ITPKB: variants seen among roughly 807,000 people sequenced by gnomAD.
ITPKB encodes IP3 3-kinase B.
ITPKB carries 13 observed loss-of-function variants against 69.4 expected under a neutral mutation model. The ratio of observed to expected loss-of-function variants is 0.19; its 90% CI spans 0.12 to 0.30. The LOEUF (loss-of-function observed/expected upper bound fraction) is 0.30, where lower values mean the gene tolerates loss of function less well. Among genes scored for constraint, ITPKB ranks in the 10% least tolerant of loss-of-function variants. The pLI is 1.00. For synonymous variants in ITPKB, 584 were observed against 513.7 expected (o/e 1.14, Z -1.85); for missense variants, 1,240 against 1,250.5 (o/e 0.99, Z 0.13).
At position 226,738,386 on chromosome 1, in the gene ITPKB, C is replaced by G. The variant is rs1316601785; in HGVS notation, c.-206+655G>C. ...AAGTGTTTTGTGAGTGTGGGCGCAC[C>G]GAGGTTCTACACGTTCTCTTTACCG... On this transcript the variant is annotated intron_variant, in intron 1 of 7. Transcript: ENST00000429204. This position sits in a 1 kb window ranked among gnomAD's most constrained non-coding sequence, Gnocchi z 4.2. 1.3e-5 allele frequency among the ~76,000 whole-genome samples: 2 copies of G among 152,180 alleles called. No homozygotes were observed. The highest frequency in any genetic ancestry group is 4.8e-5 in the African/African-American group (2 of 41,456).
At chr1:226,648,872 G>T in intron 2 of ITPKB, 101 bp from the exon 3 acceptor site, 1 of 833,308 alleles carries the variant, frequency 1.2e-6, no homozygotes, top group Non-Finnish European at 2.1e-6. Flanking sequence ...GTGGCCACAA[G>T]ATGGGAAGGG....
chr1:226,682,473 C>T (rs1656115049), intron 2 of ITPKB, among the ~76,000 whole-genome samples: 1 of 152,192 alleles, frequency 6.6e-6, no homozygotes, highest in Non-Finnish European at 1.5e-5. Flanking sequence ...GCATTTTGCC[C>T]ACCATGTGAC....
intron 2 of ITPKB, among the ~76,000 whole-genome samples, chr1:226,696,321 G>C (rs1656484177): frequency 7.3e-6 from 1 of 136,628 alleles, no homozygotes; most frequent in Non-Finnish European, 1.5e-5. Context: ...AGATCTACGT[G>C]TGTGTGTGTG....
intron 2 of ITPKB, among the ~76,000 whole-genome samples, chr1:226,667,037 C>T (rs1046469179): frequency 3.9e-5 from 6 of 152,192 alleles, no homozygotes; most frequent in South Asian, 2.1e-4. Context: ...CCTAACCTAC[C>T]GAGAGAACTC....
intron 2 of ITPKB, among the ~76,000 whole-genome samples, chr1:226,721,502 CT>C (rs748076670): frequency 5.4e-5 from 8 of 149,264 alleles, no homozygotes; most frequent in African/African-American, 7.4e-5. Context: ...GAACTATTTT[CT>C]TTTTTTTTTG....
intron 2 of ITPKB, chr1:226,707,933 G>A (rs1202465475): frequency 3.0e-6 from 4 of 1,330,248 alleles, no homozygotes; most frequent in Middle Eastern, 2.1e-4. Context: ...GAGAAGAAAA[G>A]AGGTCATTTT....
chr1:226,695,435 T>C (rs1305809253), intron 2 of ITPKB, among the ~76,000 whole-genome samples: 1 of 152,150 alleles, frequency 6.6e-6, no homozygotes, highest in Non-Finnish European at 1.5e-5. Context: ...TGGCAGTTAA[T>C]GTATGGAAGG....
rs546895936 is a variant in ITPKB at position 226,723,996 on chromosome 1, T to C, written c.1932+11531A>G. 1.1e-4 allele frequency among the ~76,000 whole-genome samples: 16 copies of C among 152,274 alleles called. No homozygotes were observed. The South Asian group carries it at 3.3e-3, about 32-fold the overall frequency. On this transcript the variant is annotated intron_variant, in intron 2 of 7. Coordinates refer to ENST00000429204, the MANE Select transcript of ITPKB (RefSeq NM_002221.4). Reference sequence around the variant, plus strand: ...GACTCGAGCCAATTGGTGAAGGCGATTAGGGCATCCACTTAAAAACGCTCT... The same window carrying C: ...GACTCGAGCCAATTGGTGAAGGCGACTAGGGCATCCACTTAAAAACGCTCT...
chr1:226,725,691 T>C (rs1657390211), intron 2 of ITPKB, among the ~76,000 whole-genome samples: 1 of 152,142 alleles, frequency 6.6e-6, no homozygotes, highest in Admixed American at 6.5e-5. Flanking sequence ...ACTCCAGCCT[T>C]CCCTGGTGTC....
intron 2 of ITPKB, among the ~76,000 whole-genome samples, chr1:226,670,389 G>A (rs1669591428): frequency 6.6e-6 from 1 of 151,962 alleles, no homozygotes; most frequent in African/African-American, 2.4e-5. Flanking sequence ...TCTACTTAAG[G>A]AAATACTCCA....
chr1:226,674,580 C>T (rs1423239029), intron 2 of ITPKB, among the ~76,000 whole-genome samples: 3 of 152,102 alleles, frequency 2.0e-5, no homozygotes, highest in African/African-American at 7.2e-5. Flanking sequence ...GTGATCTGCC[C>T]GCCTTGGCCT....
intron 2 of ITPKB, among the ~76,000 whole-genome samples, chr1:226,683,158 C>T (rs1489617109): frequency 2.0e-5 from 3 of 152,220 alleles, no homozygotes; most frequent in Admixed American, 6.5e-5. Context: ...GACACAGACC[C>T]TGGGAATGTG....
chr1:226,736,296 TCAGGCTCCC>T lies in ITPKB; in HGVS notation c.1154_1162del (p.Gly385_Pro387del), dbSNP rs752526666. 4.4e-5 allele frequency: 70 copies of T among 1,605,796 alleles called. No homozygotes were observed. The highest frequency in any genetic ancestry group is 4.6e-5 in the Non-Finnish European group (54 of 1,176,922). On this transcript the variant is annotated inframe_deletion, in exon 2 of 8. Transcript: ENST00000429204. ...CGTCTCCTCTGGCCTTTTGCCCACTTCAGGCTCCCCAGAGCCCGGCATGCCACAGGGCAG... is the reference window on the plus strand; with the variant it reads ...CGTCTCCTCTGGCCTTTTGCCCACTTCAGAGCCCGGCATGCCACAGGGCAG...
At chr1:226,690,296 C>T (rs867661868) in intron 2 of ITPKB, among the ~76,000 whole-genome samples, 1 of 152,108 alleles carries the variant, frequency 6.6e-6, no homozygotes, top group South Asian at 2.1e-4. Context: ...AGCCAGGCAC[C>T]GGGCAACAGC....
In ITPKB at chr1:226,633,638, T is replaced by C. The variant is rs561309317; in HGVS notation, c.*1033A>G. 1 of 152,340 alleles carries C rather than the reference T, an allele frequency of 6.6e-6. No individual in the cohort carries two copies. The highest frequency in any genetic ancestry group is 1.9e-4 in the East Asian group (1 of 5,174). The allele number at this position is 152,340 out of a possible 1,614,324, so 9.4% of individuals were successfully genotyped here. A position where few individuals can be genotyped will look rare whatever the true frequency, so the allele number is the denominator to read the frequency against. ...TTGTTTCAGAGGCAATAACAAATGA[T>C]GCCAGGAGGCCACCGCGGCACCTCT... On this transcript the variant is annotated 3_prime_UTR_variant, in exon 8 of 8. Transcript: ENST00000429204.
chr1:226,677,303 T>C (rs974546665), intron 2 of ITPKB, among the ~76,000 whole-genome samples: 1 of 152,214 alleles, frequency 6.6e-6, no homozygotes, highest in Non-Finnish European at 1.5e-5. Flanking sequence ...CACCCTTCTC[T>C]ATTATTAGCA....
intron 2 of ITPKB, among the ~76,000 whole-genome samples, chr1:226,651,580 C>G (rs1418061826): frequency 6.6e-6 from 1 of 152,178 alleles, no homozygotes; most frequent in African/African-American, 2.4e-5. Context: ...ACCTCGGAGC[C>G]TGGGGCAGGG....
intron 2 of ITPKB, among the ~76,000 whole-genome samples, chr1:226,662,848 C>G (rs1042472220): frequency 8.5e-5 from 13 of 152,236 alleles, no homozygotes; most frequent in Admixed American, 8.5e-4. Context: ...CAGAGAGAAC[C>G]AGAAACCCCA....
chr1:226,682,125 A>G (rs986874695), intron 2 of ITPKB, among the ~76,000 whole-genome samples: 1 of 152,188 alleles, frequency 6.6e-6, no homozygotes, highest in Non-Finnish European at 1.5e-5. Flanking sequence ...GCTGCACATC[A>G]GTTATCACCT....
Sources: gnomAD v4.1 joint callset for allele counts (sites outside exome capture counted in the v4.1 genomes callset) on GRCh38, gnomAD v4.1.1 for gene constraint, Gnocchi (gnomAD v3.1) non-coding constraint, MANE v1.5 for transcripts, NCBI Gene and HGNC (gene_info 2026-07-23, HGNC 2026-07-21) for gene names.